LRRC37B: variants seen among roughly 807,000 people sequenced by gnomAD.
The protein encoded by LRRC37B is leucine-rich repeat-containing protein 37B.
In LRRC37B, 28 loss-of-function variants were observed where a neutral mutation model predicts 98.3. That is an observed-to-expected ratio of 0.28 (90% CI 0.21 to 0.39). The LOEUF (loss-of-function observed/expected upper bound fraction) is 0.39. LRRC37B is among the 10% of genes least tolerant of loss of function. The pLI is 1.00. For synonymous variants in LRRC37B, 364 were observed against 442.7 expected (o/e 0.82, Z 2.23); for missense variants, 938 against 1,182.7 (o/e 0.79, Z 3.03).
exon 1 of LRRC37B, chr17:32,021,739 A>C: frequency 6.2e-7 from 1 of 1,614,256 alleles, no homozygotes; most frequent in Non-Finnish European, 8.5e-7. Context: ...GATCTAGCTG[A>C]ACGTTGGAGC....
intron 7 of LRRC37B, 61 bp from the exon 11 acceptor site, chr17:32,045,639 C>T (rs1199415265): frequency 3.8e-6 from 6 of 1,588,562 alleles, no homozygotes; most frequent in Non-Finnish European, 3.4e-6. Context: ...TTGGCTGCCT[C>T]CTTTACCTAC....
intron 1 of LRRC37B, among the ~76,000 whole-genome samples, chr17:32,011,399 A>G (rs192681444): frequency 1.3e-5 from 2 of 151,766 alleles, no homozygotes; most frequent in Admixed American, 6.6e-5. Context: ...AGGTCTCACT[A>G]TATTGCCCAG....
exon 1 of LRRC37B, chr17:32,021,007 C>G (rs1910754836): frequency 6.5e-7 from 1 of 1,545,556 alleles, no homozygotes; most frequent in African/African-American, 1.4e-5. Flanking sequence ...TAACATGGAA[C>G]AGATCTGGAC....
chr17:32,022,026 G>A (rs1184695108), exon 1 of LRRC37B: 1 of 1,613,842 alleles, frequency 6.2e-7, no homozygotes, highest in African/African-American at 1.3e-5. Context: ...GCTCCCTCAG[G>A]AGGTAGAACC....
exon 7 of LRRC37B, chr17:32,035,616 G>A (rs766384886): frequency 2.5e-6 from 4 of 1,610,998 alleles, no homozygotes; most frequent in East Asian, 2.2e-5. Context: ...ACATTCTCAC[G>A]ATGACTGTTG....
intron 7 of LRRC37B, among the ~76,000 whole-genome samples, chr17:32,037,014 G>A (rs1157392416): frequency 2.9e-5 from 3 of 103,496 alleles, no homozygotes; most frequent in African/African-American, 3.8e-5. Flanking sequence ...TTGCAACACA[G>A]TCTTGCTCTA....
At chr17:32,011,337 A>C (rs72825740) in intron 1 of LRRC37B, among the ~76,000 whole-genome samples, 1 of 151,816 alleles carries the variant, frequency 6.6e-6, no homozygotes, top group African/African-American at 2.4e-5. Flanking sequence ...CCTATCGTGC[A>C]TATATACCTC....
At chr17:32,048,942 A>T in intron 9 of LRRC37B, 160 bp from the exon 13 acceptor site, 1 of 1,296,266 alleles carries the variant, frequency 7.7e-7, no homozygotes, top group Admixed American at 1.9e-5. Context: ...CTCTGAAAAC[A>T]CAAACTACAA....
At chr17:32,035,917 G>C (rs1911234722) in intron 7 of LRRC37B, 2 of 300,032 alleles carry the variant, frequency 6.7e-6, no homozygotes, top group African/African-American at 4.5e-5. Context: ...TCTGATTTCT[G>C]TTCCTAGTTT....
chr17:32,022,280 A>T (rs762709108), exon 1 of LRRC37B: 7 of 1,613,746 alleles, frequency 4.3e-6, no homozygotes, highest in Non-Finnish European at 5.9e-6. Flanking sequence ...AGGAGGCGGA[A>T]CCTTCTTCTA....
rs564431229 is a variant in LRRC37B at position 32,041,345 on chromosome 17, G to A, written c.2205-4355G>A. 6.6e-6 allele frequency: 5 copies of A among 755,052 alleles called. No individual in the cohort carries two copies. The African/African-American group carries it at 6.8e-5, about 10-fold the overall frequency. 46.8% of individuals were successfully genotyped at this position (755,052 alleles called of 1,614,324 possible). A position where few individuals can be genotyped will look rare whatever the true frequency, so the allele number is the denominator to read the frequency against. On this transcript the variant is annotated intron_variant, in intron 7 of 11. Transcript: ENST00000327564. Reference sequence around the variant, plus strand: ...GCAGGAGCATGCCGCCCCTAGACCAGCCAAGCTGCAAGGTGCTGTATGACT... The same window carrying A: ...GCAGGAGCATGCCGCCCCTAGACCAACCAAGCTGCAAGGTGCTGTATGACT...
chr17:32,026,095 A>G (rs1304306389), intron 2 of LRRC37B, among the ~76,000 whole-genome samples: 1 of 152,228 alleles, frequency 6.6e-6, no homozygotes, highest in Non-Finnish European at 1.5e-5. Flanking sequence ...TATAGAAGGA[A>G]TTAGTTGAGA....
At chr17:32,023,359 G>A (rs1021176199) in intron 1 of LRRC37B, among the ~76,000 whole-genome samples, 2 of 152,072 alleles carry the variant, frequency 1.3e-5, no homozygotes, top group African/African-American at 4.8e-5. Context: ...CTGACCTCAG[G>A]CGATCCACCC....
At chr17:32,020,931 G>T, upstream of LRRC37B, 1 of 1,440,990 alleles carries the variant, frequency 6.9e-7, no homozygotes, top group Admixed American at 2.8e-5. Context: ...GGGAGGGGAG[G>T]GGTGTTCCGG....
At position 32,031,373 on chromosome 17, in the gene LRRC37B, T is replaced by C. The variant is rs777765434; in HGVS notation, c.1977-5T>C. 3.7e-5 allele frequency: 60 copies of C among 1,609,338 alleles called. No individual in the cohort carries two copies. The highest frequency in any genetic ancestry group is 5.0e-5 in the Non-Finnish European group (59 of 1,179,180). ...TTTTCCTTTGGCTTATGTCTTTTTTTGTAGAAATCTGGGCTGCAATTTAAT... is the reference window on the plus strand; with the variant it reads ...TTTTCCTTTGGCTTATGTCTTTTTTCGTAGAAATCTGGGCTGCAATTTAAT... On this transcript the variant is annotated splice_polypyrimidine_tract_variant and splice_region_variant and intron_variant, in intron 4 of 11. Coordinates refer to ENST00000327564, the Ensembl canonical transcript of LRRC37B.
chr17:32,046,860 C>T (rs1161525277), intron 8 of LRRC37B, among the ~76,000 whole-genome samples: 8 of 152,020 alleles, frequency 5.3e-5, no homozygotes, highest in Non-Finnish European at 7.4e-5. Context: ...CCCAGCTGCA[C>T]ACTGGCACAC....
chr17:32,034,360 G>C (rs1204254147), intron 5 of LRRC37B, among the ~76,000 whole-genome samples: 1 of 151,848 alleles, frequency 6.6e-6, no homozygotes, highest in Non-Finnish European at 1.5e-5. Context: ...AAATTAGCTG[G>C]GCGTGGTGGT....
At chr17:32,014,322 G>A (rs1418526610) in intron 1 of LRRC37B, among the ~76,000 whole-genome samples, 1 of 152,146 alleles carries the variant, frequency 6.6e-6, no homozygotes, top group African/African-American at 2.4e-5. Flanking sequence ...CCAGCTTTAA[G>A]CCTTTCAGCG....
chr17:32,013,708 A>ATGTGTGTGTG (rs879747437), intron 1 of LRRC37B, among the ~76,000 whole-genome samples: 359 of 130,380 alleles, frequency 2.8e-3, no homozygotes, highest in African/African-American at 6.3e-3. Context: ...TTATAATTGT[A>ATGTGTGTGTG]TATGTGTGTG....
Sources: gnomAD v4.1 joint callset for allele counts (sites outside exome capture counted in the v4.1 genomes callset) on GRCh38, gnomAD v4.1.1 for gene constraint, MANE v1.5 for transcripts, NCBI Gene and HGNC (gene_info 2026-07-23, HGNC 2026-07-21) for gene names.